Variants in RBPJ observed in about 807,000 individuals in gnomAD.
RBPJ encodes recombination signal binding protein for immunoglobulin kappa J region.
A neutral mutation model predicts 67.8 loss-of-function variants in RBPJ; 9 were observed. That is an observed-to-expected ratio of 0.13 (90% CI 0.08 to 0.23). RBPJ has a LOEUF of 0.23. RBPJ is among the 10% of genes least tolerant of loss of function. The pLI, the probability that RBPJ is intolerant of heterozygous loss-of-function variation, is 1.00. For synonymous variants in RBPJ, 198 were observed against 203.3 expected, an observed-to-expected ratio of 0.97 and a Z score of 0.22; for missense variants, 305 against 595.6, an observed-to-expected ratio of 0.51 and a Z score of 5.08.
rs148561949 is a variant in RBPJ, at chr4:26,305,378, T to G, written c.-166-57068T>G. Among the ~76,000 whole-genome samples the G allele has an allele frequency of 1.5e-3, 221 of 152,362 alleles. 7 individuals are homozygous for G. The highest frequency in any genetic ancestry group is 0.011 in the Admixed American group (163 of 15,304). On this transcript the variant is annotated intron_variant, in intron 1 of 4. Transcript: ENST00000512351. ...ACAAAGTGGCCAACTGGGATTTTGATAGTGATTGCATTGAATCTGTGGAAT... is the reference window on the plus strand; with the variant it reads ...ACAAAGTGGCCAACTGGGATTTTGAGAGTGATTGCATTGAATCTGTGGAAT...
Position 26,175,858 on chromosome 4 carries a change from C to T in RBPJ, c.-167+12244C>T, listed in dbSNP as rs184108754. 2.5e-3 allele frequency among the ~76,000 whole-genome samples: 385 copies of T among 152,322 alleles called. 1 individual carries two copies. Among genetic ancestry groups the T allele is most frequent in the Middle Eastern group, 6.8e-3 (2 of 294 alleles). On this transcript the variant is annotated intron_variant, in intron 1 of 4. Transcript: ENST00000512351. ...TGCTCTCCCTATCTGAGCATCCTGA[C>T]CTTCCCTCCACCCACCTGCTCACAG... is the stretch of plus-strand genomic sequence containing the variant.
At chr4:26,134,737 G>A in the RBPJ span, among the ~76,000 whole-genome samples, 13 of 152,164 alleles carry the variant, frequency 8.5e-5, 1 homozygote, top group African/African-American at 2.7e-4. Flanking sequence ...CAGGTAACTC[G>A]TTGAAGGAGT....
intron 1 of RBPJ, among the ~76,000 whole-genome samples, chr4:26,350,614 A>C (rs1221843371): frequency 6.6e-6 from 1 of 152,222 alleles, no homozygotes; most frequent in African/African-American, 2.4e-5. Flanking sequence ...TGAACAGTTC[A>C]TTAAAGGACA....
At chr4:26,309,902 A>C (rs184544474) in intron 1 of RBPJ, among the ~76,000 whole-genome samples, 15 of 152,350 alleles carry the variant, frequency 9.8e-5, no homozygotes, top group African/African-American at 3.6e-4. Context: ...CATTAGCTAC[A>C]AAAACTTCTG....
At chr4:26,325,602 A>G (rs1482088951) in intron 1 of RBPJ, among the ~76,000 whole-genome samples, 1 of 152,260 alleles carries the variant, frequency 6.6e-6, no homozygotes, top group Non-Finnish European at 1.5e-5. Flanking sequence ...GAGATAATGT[A>G]TGAAAGCATT....
intron 1 of RBPJ, among the ~76,000 whole-genome samples, chr4:26,332,438 C>T (rs1211790748): frequency 1.3e-5 from 2 of 152,116 alleles, no homozygotes; most frequent in African/African-American, 4.8e-5. Flanking sequence ...CAGCTGTCCA[C>T]CTAAGCTACC....
intron 1 of RBPJ, among the ~76,000 whole-genome samples, chr4:26,171,621 G>T (rs546531297): frequency 1.3e-5 from 2 of 152,302 alleles, no homozygotes; most frequent in South Asian, 2.1e-4. Context: ...TTAAGGAAGA[G>T]GACACATTTG....
At chr4:26,384,043 A>G (rs1730570549) in intron 1 of RBPJ, 1 of 152,110 alleles carries the variant, frequency 6.6e-6, no homozygotes, top group African/African-American at 2.4e-5. Context: ...TACTTTTTGT[A>G]GAGACAGGGT....
the RBPJ span, among the ~76,000 whole-genome samples, chr4:26,107,787 AT>A: frequency 5.9e-5 from 9 of 152,190 alleles, no homozygotes. Flanking sequence ...AGTCCCAGCT[AT>A]TTGGGAGGCT....
intron 1 of RBPJ, chr4:26,321,962 C>CT (rs1404784161): frequency 6.6e-6 from 1 of 152,206 alleles, no homozygotes; most frequent in African/African-American, 2.4e-5. Context: ...ACCCTCCCGC[C>CT]CCCCTATCGC....
chr4:26,368,198 C>G (rs1352615342), intron 1 of RBPJ: 1 of 152,182 alleles, frequency 6.6e-6, no homozygotes, highest in Non-Finnish European at 1.5e-5. Flanking sequence ...AGGCATACAT[C>G]TTTAGTGGTG....
At chr4:26,387,248 G>A (rs1301871702) in intron 2 of RBPJ, among the ~76,000 whole-genome samples, 4 of 152,056 alleles carry the variant, frequency 2.6e-5, no homozygotes, top group South Asian at 2.1e-4. Flanking sequence ...CTTAAAGAAC[G>A]ATGGGGACCT....
chr4:26,315,003 G>A (rs1207960998), upstream of RBPJ, among the ~76,000 whole-genome samples: 1 of 151,090 alleles, frequency 6.6e-6, no homozygotes, highest in Non-Finnish European at 1.5e-5. Context: ...AAATTAGCCG[G>A]GTGTGGTAGT....
chr4:26,424,813 C>T lies in RBPJ; in HGVS notation c.747+70C>T. The T allele has an allele frequency of 2.2e-6, 2 of 894,504 alleles. No homozygotes were observed. The highest frequency in any genetic ancestry group is 3.6e-6 in the Non-Finnish European group (2 of 555,180). The allele number at this position is 894,504 out of a possible 1,614,324, so 55.4% of individuals were successfully genotyped here. A position where few individuals can be genotyped will look rare whatever the true frequency, so the allele number is the denominator to read the frequency against. ...AATTTCTTAAACAGGAAAATCACAA[C>T]ATTCAAATGGAAAAACACACCTCAG... On this transcript the variant is annotated intron_variant, in intron 7 of 10. Coordinates refer to ENST00000355476, the MANE Select transcript of RBPJ (RefSeq NM_015874.6). The surrounding 1 kb of genome is among the most constrained non-coding windows in gnomAD (Gnocchi z 5.3).
chr4:26,341,628 C>CA lies in RBPJ; in HGVS notation c.20+20584dup, dbSNP rs371489432. Among the ~76,000 whole-genome samples, 149 of 137,748 alleles carry CA rather than the reference C, an allele frequency of 1.1e-3. 2 individuals are homozygous for CA. Among genetic ancestry groups the CA allele is most frequent in the African/African-American group, 1.6e-3 (62 of 38,184 alleles). The allele number at this position is 137,748 out of a possible 152,430, so 90.4% of individuals were successfully genotyped here. A position where few individuals can be genotyped will look rare whatever the true frequency, so the allele number is the denominator to read the frequency against. ...GACTCCATCTCAAAACAAAACAAAA[C>CA]AAAACAAAAAAAAACCAAACGAAAA... On this transcript the variant is annotated intron_variant, in intron 1 of 10. Coordinates refer to ENST00000355476, the MANE Select transcript of RBPJ (RefSeq NM_015874.6).
At chr4:26,232,352 A>G (rs577110092) in intron 1 of RBPJ, among the ~76,000 whole-genome samples, 60 of 152,260 alleles carry the variant, frequency 3.9e-4, no homozygotes, top group African/African-American at 1.4e-3. Context: ...TCACCTGGGT[A>G]TTAAGCCCAG....
chr4:26,316,886 T>G (rs111266151), upstream of RBPJ, among the ~76,000 whole-genome samples: 1,449 of 135,932 alleles, frequency 0.011, 33 homozygotes, highest in African/African-American at 0.038. Context: ...TTGCTCCATA[T>G]GCCTTTTTCT....
chr4:26,190,336 A>G (rs763126718), intron 1 of RBPJ, among the ~76,000 whole-genome samples: 1 of 152,202 alleles, frequency 6.6e-6, no homozygotes, highest in Non-Finnish European at 1.5e-5. Context: ...CCTGGTCCCT[A>G]TGGGAAACAT....
intron 1 of RBPJ, among the ~76,000 whole-genome samples, chr4:26,283,322 A>G (rs1721344565): frequency 6.6e-6 from 1 of 151,726 alleles, no homozygotes; most frequent in Admixed American, 6.6e-5. Flanking sequence ...AGGTGGGTGG[A>G]TCACCTGAGG....
Sources: allele counts gnomAD v4.1 joint callset (sites outside exome capture counted in the v4.1 genomes callset), GRCh38; gene constraint gnomAD v4.1.1; non-coding constraint Gnocchi (gnomAD v3.1); transcripts MANE v1.5; gene names NCBI Gene and HGNC (gene_info 2026-07-23, HGNC 2026-07-21).